GALNT2: variants seen among roughly 807,000 people sequenced by gnomAD.
GALNT2 encodes UDP-GalNAc:polypeptide N-acetylgalactosaminyltransferase 2.
A neutral mutation model predicts 81.4 loss-of-function variants in GALNT2; 31 were observed. The observed-to-expected ratio is 0.38, with a 90% CI of 0.29 to 0.51. The LOEUF (loss-of-function observed/expected upper bound fraction) is 0.51. Among genes scored for constraint, GALNT2 ranks in the 20% least tolerant of loss-of-function variants. The probability of loss-of-function intolerance (pLI) is 0.87; values close to 1 mark genes in which losing one functional copy is unlikely to be tolerated. For missense variants in GALNT2, 629 were observed against 765.7 expected, an observed-to-expected ratio of 0.82 and a Z score of 2.11; for synonymous variants, 303 against 287.4, an observed-to-expected ratio of 1.05 and a Z score of -0.55.
intron 1 of GALNT2, among the ~76,000 whole-genome samples, chr1:230,096,722 C>G (rs1660265306): frequency 6.6e-6 from 1 of 152,178 alleles, no homozygotes; most frequent in Non-Finnish European, 1.5e-5. Flanking sequence ...TTATGTATCT[C>G]TTCTCAAAGA....
At chr1:230,274,694 C>T in intron 15 of GALNT2, 130 bp downstream of exon 15, 2 of 1,106,218 alleles carry the variant, frequency 1.8e-6, no homozygotes, top group Non-Finnish European at 2.5e-6. Flanking sequence ...TCTTTTGCAT[C>T]ACTGTGAATA....
At chr1:230,140,845 A>G (rs1051910896) in intron 1 of GALNT2, among the ~76,000 whole-genome samples, 2 of 152,228 alleles carry the variant, frequency 1.3e-5, no homozygotes, top group Non-Finnish European at 2.9e-5. Flanking sequence ...ATGCCATTAT[A>G]CAACCCAGCT....
At chr1:230,108,049 C>T (rs1023632892) in intron 1 of GALNT2, among the ~76,000 whole-genome samples, 1 of 152,174 alleles carries the variant, frequency 6.6e-6, no homozygotes, top group African/African-American at 2.4e-5. Flanking sequence ...CAGACTCATT[C>T]ATAGGGCTCA....
chr1:230,135,120 TA>T (rs66667258), intron 1 of GALNT2, among the ~76,000 whole-genome samples: 29,519 of 152,078 alleles, frequency 0.19, 3,243 homozygotes, highest in Non-Finnish European at 0.25. Context: ...TTGTCAATTT[TA>T]AGATGCATTC....
At chr1:230,080,263 C>G (rs1331313168) in intron 1 of GALNT2, among the ~76,000 whole-genome samples, 5 of 152,108 alleles carry the variant, frequency 3.3e-5, no homozygotes, top group Non-Finnish European at 7.3e-5. Flanking sequence ...AAGCTCTCAT[C>G]AGCTATGTAA....
chr1:230,143,005 C>T (rs1334291344), intron 1 of GALNT2, among the ~76,000 whole-genome samples: 1 of 152,126 alleles, frequency 6.6e-6, no homozygotes, highest in Non-Finnish European at 1.5e-5. Context: ...GCAGGCTGGG[C>T]CCATCCCTGG....
At chr1:230,061,117 T>C (rs539610783) in intron 1 of GALNT2, among the ~76,000 whole-genome samples, 1 of 152,196 alleles carries the variant, frequency 6.6e-6, no homozygotes, top group Admixed American at 6.5e-5. Context: ...ATATTATTAA[T>C]CGGGGCCCTT....
chr1:230,083,709 G>A (rs1262303146), intron 1 of GALNT2, among the ~76,000 whole-genome samples: 1 of 152,188 alleles, frequency 6.6e-6, no homozygotes, highest in Non-Finnish European at 1.5e-5. Context: ...GTAAGGAGAT[G>A]GTCAGCACTG....
In GALNT2 at chr1:230,163,164, AAACAAC is replaced by A. The variant is rs35261001; in HGVS notation, c.127-15033_127-15028del. ...ACATGTTCTTTGAAACTCCGCATTA[AAACAAC>A]AACAACAACAACAACAACAAACTTT... On this transcript the variant is annotated intron_variant, in intron 1 of 15. Transcript: ENST00000366672. 2.7e-4 allele frequency among the ~76,000 whole-genome samples: 41 copies of A among 151,334 alleles called. No homozygotes were observed. The South Asian group carries it at 6.5e-3, about 24-fold the overall frequency.
intron 1 of GALNT2, among the ~76,000 whole-genome samples, chr1:230,079,832 C>T (rs907969712): frequency 2.0e-5 from 3 of 152,146 alleles, no homozygotes; most frequent in Non-Finnish European, 4.4e-5. Flanking sequence ...TGGAGGCAGA[C>T]GGGCTCATGA....
chr1:230,079,570 C>A (rs928488180), intron 1 of GALNT2, among the ~76,000 whole-genome samples: 1 of 152,230 alleles, frequency 6.6e-6, no homozygotes, highest in Non-Finnish European at 1.5e-5. Context: ...CGTGAAACAT[C>A]AGGTTACAAA....
chr1:230,229,301 CA>C (rs1204662856), intron 3 of GALNT2, among the ~76,000 whole-genome samples: 1 of 152,176 alleles, frequency 6.6e-6, no homozygotes, highest in Non-Finnish European at 1.5e-5. Flanking sequence ...CAGTTAACAG[CA>C]GAAACCATCC....
At chr1:230,278,598 G>A (rs528766612) in intron 15 of GALNT2, among the ~76,000 whole-genome samples, 17 of 152,254 alleles carry the variant, frequency 1.1e-4, no homozygotes, top group African/African-American at 3.1e-4. Flanking sequence ...CTTTACAAGC[G>A]GCATGTTCAG....
intron 14 of GALNT2, among the ~76,000 whole-genome samples, chr1:230,270,875 T>C (rs1169942924): frequency 6.6e-6 from 1 of 152,198 alleles, no homozygotes; most frequent in East Asian, 1.9e-4. Context: ...ATAATTGAAA[T>C]GCAACAGAAG....
intron 2 of GALNT2, among the ~76,000 whole-genome samples, chr1:230,199,824 T>C (rs1663829324): frequency 6.6e-6 from 1 of 152,194 alleles, no homozygotes; most frequent in Non-Finnish European, 1.5e-5. Flanking sequence ...AGTAGGCTCA[T>C]GTAGTCTTTG....
At position 230,067,307 on chromosome 1, in the gene GALNT2, C is replaced by T; in HGVS notation, c.27C>T (p.Leu9=). 1.4e-6 allele frequency: 2 copies of T among 1,379,618 alleles called. No homozygotes were observed. Among genetic ancestry groups the T allele is most frequent in the South Asian group, 1.6e-5 (1 of 64,190 alleles). 85.5% of individuals were successfully genotyped at this position (1,379,618 alleles called of 1,614,324 possible). ...TGCGGCGGCGCTCGCGGATGCTGCTCTGCTTCGCCTTCCTGTGGGTGCTGG... is the reference window on the plus strand; with the variant it reads ...TGCGGCGGCGCTCGCGGATGCTGCTTTGCTTCGCCTTCCTGTGGGTGCTGG... The part of the protein sequence containing the change: MRRRSRML[L]CFAFLWVLGI... Residue 9 remains leucine (L), a synonymous_variant, in exon 1 of 16, where the codon CTC becomes CTT. Coordinates refer to ENST00000366672, the MANE Select transcript of GALNT2 (RefSeq NM_004481.5).
At position 230,265,250 on chromosome 1, in the gene GALNT2, C is replaced by A; in HGVS notation, c.1323C>A (p.Asp441Glu). 1.2e-6 allele frequency: 2 copies of A among 1,614,198 alleles called. No homozygotes were observed. The highest frequency in any genetic ancestry group is 1.7e-6 in the Non-Finnish European group (2 of 1,180,032). ...TCACGTTGTTTTTCAGGGTTCCAGA[C>A]CATCAGGATATAGCTTTTGGGGCCT... ...ENVYPELRVP[D>E]HQDIAFGALQ... The change falls in exon 14 of 16, where the codon GAC becomes GAA. Residue 441 changes from aspartate (D) to glutamate (E), a missense_variant. This residue lies in a region of GALNT2 where 207 missense variants were observed against 225.5 expected (regional missense o/e 0.92). Coordinates refer to ENST00000366672, the MANE Select transcript of GALNT2 (RefSeq NM_004481.5).
intron 3 of GALNT2, among the ~76,000 whole-genome samples, chr1:230,225,292 A>G (rs1481930112): frequency 6.6e-6 from 1 of 152,142 alleles, no homozygotes; most frequent in Non-Finnish European, 1.5e-5. Flanking sequence ...GCCTGCCTAG[A>G]CTTTCTGTAG....
upstream of GALNT2, among the ~76,000 whole-genome samples, chr1:230,066,168 G>C (rs1571919456): frequency 6.6e-6 from 1 of 152,206 alleles, no homozygotes; most frequent in Admixed American, 6.5e-5. Flanking sequence ...ATATCAGGCA[G>C]CTGCCATTAT....
Sources: allele counts gnomAD v4.1 joint callset (sites outside exome capture counted in the v4.1 genomes callset), GRCh38; gene constraint gnomAD v4.1.1; regional missense constraint gnomAD v4.1.1; transcripts MANE v1.5; gene names NCBI Gene and HGNC (gene_info 2026-07-23, HGNC 2026-07-21).